Variants in TRIO observed in about 807,000 individuals in gnomAD.
TRIO encodes the protein triple functional domain protein.
Under a neutral mutation model 351.9 loss-of-function variants are expected in TRIO, and 58 were observed. The observed-to-expected ratio is 0.16, with a 90% CI of 0.13 to 0.21. TRIO has a LOEUF of 0.21. TRIO is among the 10% of genes least tolerant of loss of function. The pLI, the probability that TRIO is intolerant of heterozygous loss-of-function variation, is 1.00. For missense variants in TRIO, 3,201 were observed against 4,027.8 expected (o/e 0.79, Z 5.56); for synonymous variants, 1,758 against 1,595.7 (o/e 1.10, Z -2.42).
In TRIO at chr5:14,368,983, A is replaced by G. The variant is rs1191517720; in HGVS notation, c.3066+84A>G. On this transcript the variant is annotated intron_variant, in intron 17 of 56. Transcript: ENST00000344204. The stretch of plus-strand genomic sequence containing the variant: ...ATTGGACAGCTCAATCATTGTTAAC[A>G]TGTTCATCGTTATTGAAACAATCAG... The G allele has an allele frequency of 4.1e-6, 6 of 1,466,798 alleles. No individual in the cohort carries two copies. The Admixed American group carries it at 1.2e-4, about 30-fold the overall frequency. The allele number at this position is 1,466,798 out of a possible 1,614,324, so 90.9% of individuals were successfully genotyped here.
At chr5:14,397,247 T>G (rs1056709894) in intron 29 of TRIO, 93 bp downstream of exon 29, 1 of 911,526 alleles carries the variant, frequency 1.1e-6, no homozygotes, top group South Asian at 1.7e-5. Flanking sequence ...ATCCCCGCTT[T>G]ATGTCTCTAT....
intron 2 of TRIO, among the ~76,000 whole-genome samples, chr5:14,276,709 T>C (rs1387214342): frequency 6.6e-6 from 1 of 152,230 alleles, no homozygotes; most frequent in Non-Finnish European, 1.5e-5. Context: ...ATTTACATTT[T>C]ACTCCTCAAA....
intron 21 of TRIO, among the ~76,000 whole-genome samples, chr5:14,386,465 A>T (rs1746551614): frequency 6.6e-6 from 1 of 151,990 alleles, no homozygotes; most frequent in Non-Finnish European, 1.5e-5. Context: ...TGGGTTTTGA[A>T]CTCCGACCTT....
At chr5:14,416,883 G>A (rs1749692405) in intron 33 of TRIO, among the ~76,000 whole-genome samples, 2 of 152,228 alleles carry the variant, frequency 1.3e-5, no homozygotes. Flanking sequence ...CTAGAAGAAT[G>A]TCAGGGAAGC....
In TRIO at chr5:14,479,715, A is replaced by T. The variant is rs1579777294; in HGVS notation, c.6244-204A>T. ...ATTGAAAAAATGCCTTTAAACAAGC[A>T]TAAAAGACTGCTTTGAAAAACAACT... On this transcript the variant is annotated intron_variant, in intron 42 of 56. Transcript: ENST00000344204. Among the ~76,000 whole-genome samples the T allele has an allele frequency of 3.3e-5, 5 of 152,352 alleles. No homozygotes were observed. In the South Asian group the frequency reaches 1.0e-3, roughly 32 times the overall value.
At position 14,143,533 on chromosome 5, in the gene TRIO, T is replaced by C. The variant is rs1482665716; in HGVS notation, c.-193T>C. On this transcript the variant is annotated 5_prime_UTR_variant, in exon 1 of 57. Coordinates refer to ENST00000344204, the MANE Select transcript of TRIO (RefSeq NM_007118.4). ...GCCAGCTCGCGGCTACCGGGCGGAG[T>C]CCTCGTCTATGTGGGCGCGCTCCTT... Among the ~76,000 whole-genome samples, 4 of 146,014 alleles carry C rather than the reference T, an allele frequency of 2.7e-5. No individual in the cohort carries two copies. The highest frequency in any genetic ancestry group is 6.1e-5 in the Non-Finnish European group (4 of 65,884).
At chr5:14,159,195 A>G (rs1200994727) in intron 1 of TRIO, among the ~76,000 whole-genome samples, 1 of 152,132 alleles carries the variant, frequency 6.6e-6, no homozygotes, top group Non-Finnish European at 1.5e-5. Flanking sequence ...TGTTAGAAAA[A>G]GTGAAATCAC....
chr5:14,345,384 TTTTATAG>T (rs1412753947), intron 11 of TRIO, among the ~76,000 whole-genome samples: 1 of 152,180 alleles, frequency 6.6e-6, no homozygotes, highest in African/African-American at 2.4e-5. Context: ...TGACTTCAGA[TTTTATAG>T]TTTCTTGCTG....
chr5:14,180,441 T>C (rs1789701338), intron 1 of TRIO, among the ~76,000 whole-genome samples: 1 of 152,222 alleles, frequency 6.6e-6, no homozygotes, highest in African/African-American at 2.4e-5. Context: ...ATTGTTTGCC[T>C]TCTAAAGAAT....
chr5:14,471,517 T>G (rs1579753970), intron 38 of TRIO, 51 bp downstream of exon 38: 1 of 1,599,952 alleles, frequency 6.3e-7, no homozygotes, highest in South Asian at 1.1e-5. Flanking sequence ...CCGTCCTGTC[T>G]TTGTTGCCTT....
chr5:14,179,532 T>C (rs1049943843), intron 1 of TRIO, among the ~76,000 whole-genome samples: 2 of 151,900 alleles, frequency 1.3e-5, no homozygotes, highest in Admixed American at 1.3e-4. Flanking sequence ...CAATCACGGC[T>C]CACTGCAGCC....
At chr5:14,420,099 C>G in intron 34 of TRIO, 78 bp downstream of exon 34, 5 of 1,552,936 alleles carry the variant, frequency 3.2e-6, no homozygotes, top group Non-Finnish European at 4.4e-6. Flanking sequence ...GCCTCTCCTG[C>G]CTGTTAATGT....
intron 40 of TRIO, among the ~76,000 whole-genome samples, chr5:14,474,925 T>G (rs1754946926): frequency 6.6e-6 from 1 of 152,150 alleles, no homozygotes; most frequent in Non-Finnish European, 1.5e-5. Flanking sequence ...TCTTCCCACC[T>G]CAGCCTCCCA....
At chr5:14,209,551 T>C (rs1273452878) in intron 1 of TRIO, among the ~76,000 whole-genome samples, 1 of 152,214 alleles carries the variant, frequency 6.6e-6, no homozygotes, top group Non-Finnish European at 1.5e-5. Flanking sequence ...GCTTGTATCG[T>C]ACTGGGTTAA....
chr5:14,419,813 T>C lies in TRIO; in HGVS notation c.4995T>C (p.His1665=). The C allele has an allele frequency of 6.2e-7, 1 of 1,614,168 alleles. No individual in the cohort carries two copies. Among genetic ancestry groups the C allele is most frequent in the Non-Finnish European group, 8.5e-7 (1 of 1,180,028 alleles). Residue 1665 remains histidine (H), a synonymous_variant, in exon 34 of 57, where the codon CAT becomes CAC. Coordinates refer to ENST00000344204, the MANE Select transcript of TRIO (RefSeq NM_007118.4). The part of the protein sequence containing the change: ...SGGCELTVVI[H]DFTACNSNEL... ...GCTGTGAGCTGACAGTGGTGATCCA[T>C]GACTTCACCGCTTGCAACAGCAACG...
intron 18 of TRIO, among the ~76,000 whole-genome samples, chr5:14,372,212 G>A (rs138455859): frequency 0.025 from 3,560 of 140,378 alleles, 55 homozygotes; most frequent in Non-Finnish European, 0.038. Context: ...TTGAAAGGCG[G>A]AGGGGGGGCG....
chr5:14,265,612 T>C (rs1244243708), intron 1 of TRIO, among the ~76,000 whole-genome samples: 4 of 152,204 alleles, frequency 2.6e-5, no homozygotes, highest in Non-Finnish European at 5.9e-5. Context: ...GACTATTTGT[T>C]ATTGTTGTCT....
intron 1 of TRIO, among the ~76,000 whole-genome samples, chr5:14,205,280 T>C (rs562732185): frequency 6.6e-6 from 1 of 152,320 alleles, no homozygotes; most frequent in East Asian, 1.9e-4. Context: ...GATTGCAAAT[T>C]CTTTGGAAAA....
rs536858825 is a variant in TRIO at position 14,325,659 on chromosome 5, GAGAA to G, written c.1732-5115_1732-5112del. 1.8e-4 allele frequency among the ~76,000 whole-genome samples: 27 copies of G among 152,268 alleles called. No individual in the cohort carries two copies. In the East Asian group the frequency reaches 4.6e-3, roughly 26 times the overall value. ...GGGGCCAAACAAACCACAGCAGAGAGAGAAAGAGAGAGAGAGAAATTTTTAAACA... is the reference window on the plus strand; with the variant it reads ...GGGGCCAAACAAACCACAGCAGAGAGAGAGAGAGAGAGAAATTTTTAAACA... On this transcript the variant is annotated intron_variant, in intron 9 of 56. Coordinates refer to ENST00000344204, the MANE Select transcript of TRIO (RefSeq NM_007118.4).
Sources: gnomAD v4.1 joint callset for allele counts (sites outside exome capture counted in the v4.1 genomes callset) on GRCh38, gnomAD v4.1.1 for gene constraint, MANE v1.5 for transcripts, NCBI Gene and HGNC (gene_info 2026-07-23, HGNC 2026-07-21) for gene names.